Variants in CSNK2A2 observed in about 807,000 individuals in gnomAD.
CSNK2A2 encodes the protein casein kinase II subunit alpha'.
In CSNK2A2, 8 loss-of-function variants were observed where a neutral mutation model predicts 54.0. That is an observed-to-expected ratio of 0.15 (90% CI 0.09 to 0.27). The LOEUF is 0.27. Among genes scored for constraint, CSNK2A2 ranks in the 10% least tolerant of loss-of-function variants. CSNK2A2 has a pLI of 1.00. For missense variants in CSNK2A2, 242 were observed against 439.4 expected (o/e 0.55, Z 4.02); for synonymous variants, 141 against 153.9 (o/e 0.92, Z 0.62).
chr16:58,170,349 A>G (rs896256804), intron 5 of CSNK2A2, among the ~76,000 whole-genome samples: 1 of 152,044 alleles, frequency 6.6e-6, no homozygotes, highest in Non-Finnish European at 1.5e-5. Flanking sequence ...TCATACATGT[A>G]TAGTGCTTTG....
chr16:58,175,065 C>T (rs538742066), intron 4 of CSNK2A2, among the ~76,000 whole-genome samples: 2 of 152,272 alleles, frequency 1.3e-5, no homozygotes, highest in South Asian at 2.1e-4. Context: ...ACCCTCTGCT[C>T]CCCGGAAACC....
chr16:58,173,545 T>C (rs1327725647), intron 5 of CSNK2A2, among the ~76,000 whole-genome samples: 1 of 152,218 alleles, frequency 6.6e-6, no homozygotes, highest in African/African-American at 2.4e-5. Flanking sequence ...AAAATGATCA[T>C]TCCTCCACCA....
At position 58,163,855 on chromosome 16, in the gene CSNK2A2, C is replaced by T. The variant is rs566335521; in HGVS notation, c.*17+199G>A. 2.6e-5 allele frequency: 12 copies of T among 468,128 alleles called. No homozygotes were observed. In the South Asian group the frequency reaches 3.7e-4, roughly 14 times the overall value. 29.0% of individuals were successfully genotyped at this position (468,128 alleles called of 1,614,324 possible). On this transcript the variant is annotated intron_variant, in intron 11 of 11. Coordinates refer to ENST00000262506, the MANE Select transcript of CSNK2A2 (RefSeq NM_001896.4). ...CCTTCAGATCCTGAACTAGGTGCATCCCCATGCTGCCACAGTGACAGCTCC... is the reference window on the plus strand; with the variant it reads ...CCTTCAGATCCTGAACTAGGTGCATTCCCATGCTGCCACAGTGACAGCTCC...
At chr16:58,183,321 G>A (rs987771667) in intron 4 of CSNK2A2, among the ~76,000 whole-genome samples, 4 of 151,196 alleles carry the variant, frequency 2.6e-5, no homozygotes, top group South Asian at 2.1e-4. Flanking sequence ...AGGTTGCAGT[G>A]AGCCAAGATC....
At chr16:58,179,147 G>A (rs529336346) in intron 4 of CSNK2A2, among the ~76,000 whole-genome samples, 5 of 152,260 alleles carry the variant, frequency 3.3e-5, no homozygotes, top group Non-Finnish European at 5.9e-5. Flanking sequence ...TACAAGTGAC[G>A]TATCATAATG....
intron 2 of CSNK2A2, 125 bp downstream of exon 2, chr16:58,196,608 C>T (rs1567475554): frequency 1.4e-6 from 1 of 717,774 alleles, no homozygotes; most frequent in Admixed American, 1.9e-5. Flanking sequence ...GAGACTCTGA[C>T]TCTAAACAAA....
At chr16:58,178,176 AAT>A (rs1961928474) in intron 4 of CSNK2A2, among the ~76,000 whole-genome samples, 1 of 152,170 alleles carries the variant, frequency 6.6e-6, no homozygotes, top group South Asian at 2.1e-4. Context: ...TCCAAATATC[AAT>A]ATGATTCTAC....
In CSNK2A2 at chr16:58,178,471, G is replaced by A. The variant is rs752990698; in HGVS notation, c.370-3961C>T. Among the ~76,000 whole-genome samples the A allele has an allele frequency of 1.4e-4, 21 of 151,888 alleles. 1 individual carries two copies. Among genetic ancestry groups the A allele is most frequent in the Admixed American group, 2.0e-4 (3 of 15,252 alleles). ...CGAATTTTTTTGTATTTTTAGTGACGGGGTTTTGCCATGTTGGTCAGGCTG... is the reference window on the plus strand; with the variant it reads ...CGAATTTTTTTGTATTTTTAGTGACAGGGTTTTGCCATGTTGGTCAGGCTG... On this transcript the variant is annotated intron_variant, in intron 4 of 11. Coordinates refer to ENST00000262506, the MANE Select transcript of CSNK2A2 (RefSeq NM_001896.4).
At chr16:58,185,038 T>C (rs905009980) in intron 3 of CSNK2A2, among the ~76,000 whole-genome samples, 2 of 152,186 alleles carry the variant, frequency 1.3e-5, no homozygotes, top group African/African-American at 4.8e-5. Flanking sequence ...CTCAATATCA[T>C]CTTGTGTAAA....
rs1304700243 is a variant in CSNK2A2 at position 58,167,672 on chromosome 16, C to T, written c.624+13G>A. 1.3e-6 allele frequency: 2 copies of T among 1,595,606 alleles called. No homozygotes were observed. Among genetic ancestry groups the T allele is most frequent in the South Asian group, 2.2e-5 (2 of 90,746 alleles). Reference sequence around the variant, plus strand: ...GTATAAATAACCCAGAATAGCTCTGCTAACAAGTTTACCTGATAGTCCACG... The same window carrying T: ...GTATAAATAACCCAGAATAGCTCTGTTAACAAGTTTACCTGATAGTCCACG... On this transcript the variant is annotated intron_variant, in intron 7 of 11. Coordinates refer to ENST00000262506, the MANE Select transcript of CSNK2A2 (RefSeq NM_001896.4).
At position 58,174,438 on chromosome 16, in the gene CSNK2A2, G is replaced by C; in HGVS notation, c.429+13C>G. On this transcript the variant is annotated intron_variant, in intron 5 of 11. Transcript: ENST00000262506. Reference sequence around the variant, plus strand: ...GGCCTGAAAAAAATTAATGGTTTATGAACACCACTTACTTTAAGTAGTTCA... The same window carrying C: ...GGCCTGAAAAAAATTAATGGTTTATCAACACCACTTACTTTAAGTAGTTCA... The C allele has an allele frequency of 6.3e-7, 1 of 1,589,986 alleles. No individual in the cohort carries two copies.
intron 2 of CSNK2A2, among the ~76,000 whole-genome samples, chr16:58,190,158 A>C (rs74019836): frequency 0.07 from 10,713 of 152,242 alleles, 476 homozygotes; most frequent in South Asian, 0.21. Flanking sequence ...CATTTATTCC[A>C]ATTCAGAGAC....
intron 4 of CSNK2A2, among the ~76,000 whole-genome samples, chr16:58,180,307 A>G (rs1440487457): frequency 6.6e-6 from 1 of 152,046 alleles, no homozygotes; most frequent in Non-Finnish European, 1.5e-5. Flanking sequence ...CTGATTTAAA[A>G]AGGAGTAAAG....
chr16:58,174,331 A>G, intron 5 of CSNK2A2, 120 bp downstream of exon 5: 1 of 681,728 alleles, frequency 1.5e-6, no homozygotes, highest in Non-Finnish European at 2.4e-6. Flanking sequence ...AAGTTTAAAA[A>G]CTTCACTAAA....
At chr16:58,178,002 G>A (rs1961924904) in intron 4 of CSNK2A2, among the ~76,000 whole-genome samples, 1 of 152,098 alleles carries the variant, frequency 6.6e-6, no homozygotes, top group Non-Finnish European at 1.5e-5. Flanking sequence ...ACAAAATAAT[G>A]TTAACGACCT....
At chr16:58,171,772 G>A in intron 5 of CSNK2A2, among the ~76,000 whole-genome samples, 1 of 151,390 alleles carries the variant, frequency 6.6e-6, no homozygotes. Flanking sequence ...AGTGTGATTA[G>A]GGAACTAAAT....
Position 58,164,162 on chromosome 16 carries a change from G to A in CSNK2A2, c.977-15C>T. The A allele has an allele frequency of 1.9e-6, 3 of 1,613,486 alleles. No homozygotes were observed. The highest frequency in any genetic ancestry group is 2.2e-5 in the East Asian group (1 of 44,874). ...CACCACAGGGTCTGCAAGAAAGCAG[G>A]AGGAAAGTCAGGCAATCAGGGTGGT... On this transcript the variant is annotated splice_polypyrimidine_tract_variant and intron_variant, in intron 10 of 11. Coordinates refer to ENST00000262506, the MANE Select transcript of CSNK2A2 (RefSeq NM_001896.4).
intron 9 of CSNK2A2, among the ~76,000 whole-genome samples, chr16:58,166,011 G>A (rs1453087779): frequency 6.6e-6 from 1 of 152,228 alleles, no homozygotes; most frequent in African/African-American, 2.4e-5. Context: ...ATGCAGAAGA[G>A]TGGGCAATTT....
intron 4 of CSNK2A2, among the ~76,000 whole-genome samples, chr16:58,178,907 G>A (rs537732830): frequency 2.0e-5 from 3 of 152,228 alleles, no homozygotes; most frequent in East Asian, 3.9e-4. Flanking sequence ...TATAGGTCAC[G>A]TTCTCTGAAC....
Sources: gnomAD v4.1 joint callset for allele counts (sites outside exome capture counted in the v4.1 genomes callset) on GRCh38, gnomAD v4.1.1 for gene constraint, MANE v1.5 for transcripts, NCBI Gene and HGNC (gene_info 2026-07-23, HGNC 2026-07-21) for gene names.